The following TRPM5 variants were observed in gnomAD, a reference collection of about 807,000 sequenced individuals.
The protein encoded by TRPM5 is MLSN1 and TRP-related.
A neutral mutation model predicts 124.9 loss-of-function variants in TRPM5; 121 were observed. The observed-to-expected ratio is 0.97, with a 90% CI of 0.84 to 1.13. The LOEUF (loss-of-function observed/expected upper bound fraction) is 1.13, where lower values mean the gene tolerates loss of function less well. Among genes scored for constraint, TRPM5 ranks in the 50% most tolerant of loss-of-function variants. The probability of loss-of-function intolerance (pLI) is 0.00; values close to 1 mark genes in which losing one functional copy is unlikely to be tolerated. For missense variants in TRPM5, 1,643 were observed against 1,589.1 expected, an observed-to-expected ratio of 1.03 and a Z score of -0.58; for synonymous variants, 781 against 700.5, an observed-to-expected ratio of 1.11 and a Z score of -1.81.
rs1845754128 is a variant in TRPM5, at chr11:2,420,385, G to T, written c.486C>A (p.Tyr162Ter). The T allele has an allele frequency of 1.2e-6, 2 of 1,611,214 alleles. No homozygotes were observed. The highest frequency in any genetic ancestry group is 1.7e-6 in the Non-Finnish European group (2 of 1,178,854). The change falls in exon 4 of 24, where the codon TAC (tyrosine) becomes TAA (stop). Residue 162 changes from tyrosine (Y) to a stop codon, truncating the protein, a stop_gained. Transcript: ENST00000155858. LOFTEE classifies it high-confidence loss of function. ...CCTGGCTGCCGCCGTCATCCTCAGG[G>T]TAGTGGACAGGAAAATCCTCCTGCG...
At chr11:2,440,752 G>A in the TRPM5 span, among the ~76,000 whole-genome samples, 2 of 152,232 alleles carry the variant, frequency 1.3e-5, no homozygotes, top group African/African-American at 2.4e-5. This position sits in a 1 kb window ranked among gnomAD's most constrained non-coding sequence, Gnocchi z 5.2. Context: ...CTGGGGGAAT[G>A]AACGAATGAT....
chr11:2,409,463 C>T (rs1379844405), intron 18 of TRPM5, among the ~76,000 whole-genome samples: 5 of 152,212 alleles, frequency 3.3e-5, no homozygotes, highest in Admixed American at 6.5e-5. Flanking sequence ...TCCCTGGGGC[C>T]TGGAGACCCA....
chr11:2,418,236 C>G (rs1357591973), exon 6 of TRPM5: 2 of 1,586,882 alleles, frequency 1.3e-6, no homozygotes, highest in East Asian at 2.3e-5. Context: ...TAAACTGCTT[C>G]TCGGCCACCT....
intron 20 of TRPM5, 41 bp downstream of exon 25, chr11:2,407,078 C>A (rs746750547): frequency 3.0e-6 from 3 of 1,007,636 alleles, no homozygotes; most frequent in Non-Finnish European, 4.0e-6. Flanking sequence ...GACCCGCCAC[C>A]TCGGCCTCAC....
chr11:2,440,010 A>G, the TRPM5 span, among the ~76,000 whole-genome samples: 1 of 152,214 alleles, frequency 6.6e-6, no homozygotes, highest in African/African-American at 2.4e-5. The surrounding 1 kb of genome is among the most constrained non-coding windows in gnomAD (Gnocchi z 5.2). Flanking sequence ...GAAAAAGAAT[A>G]AAACCATGTC....
intron 7 of TRPM5, among the ~76,000 whole-genome samples, chr11:2,416,762 G>T (rs994483479): frequency 1.3e-5 from 2 of 152,212 alleles, no homozygotes; most frequent in Non-Finnish European, 2.9e-5. Flanking sequence ...TGCTGGGGCT[G>T]TGTCTGCCTG....
chr11:2,421,987 G>A (rs1272265207), intron 2 of TRPM5, among the ~76,000 whole-genome samples, 154 bp downstream of exon 7: 3 of 151,594 alleles, frequency 2.0e-5, no homozygotes, highest in East Asian at 3.9e-4. Context: ...TGCCGTGTGG[G>A]GTGGGAGCAT....
chr11:2,418,365 C>A lies in TRPM5; in HGVS notation c.715-7G>T. ...CCACGGCCCTGGAGATCCTCTGAGA[C>A]GGGGAGGGAGGGGAGAGCGGACCCC... On this transcript the variant is annotated splice_region_variant and splice_polypyrimidine_tract_variant and intron_variant, in intron 5 of 23. Transcript: ENST00000155858. 1 of 1,544,764 alleles carries A rather than the reference C, an allele frequency of 6.5e-7. No homozygotes were observed. Among genetic ancestry groups the A allele is most frequent in the Non-Finnish European group, 8.8e-7 (1 of 1,140,646 alleles).
chr11:2,413,452 G>C, intron 13 of TRPM5, 24 bp downstream of exon 18: 1 of 1,585,736 alleles, frequency 6.3e-7, no homozygotes, highest in South Asian at 1.1e-5. Flanking sequence ...TGTCCTGGCC[G>C]GGCAGCTCAC....
In TRPM5 at chr11:2,418,146, AG is replaced by A; in HGVS notation, c.906+20del. On this transcript the variant is annotated intron_variant, in intron 6 of 23. Transcript: ENST00000155858. ...CCCCCGGAGGAGGGGTCGGGAGGACAGGGGAGGGGGCAGCACATACCAGCTT... is the reference window on the plus strand; with the variant it reads ...CCCCCGGAGGAGGGGTCGGGAGGACAGGGAGGGGGCAGCACATACCAGCTT... The A allele has an allele frequency of 6.5e-7, 1 of 1,529,860 alleles. No individual in the cohort carries two copies. The highest frequency in any genetic ancestry group is 8.9e-7 in the Non-Finnish European group (1 of 1,128,288). The allele number at this position is 1,529,860 out of a possible 1,614,324, so 94.8% of individuals were successfully genotyped here.
At chr11:2,441,272 A>T in the TRPM5 span, among the ~76,000 whole-genome samples, 3 of 152,126 alleles carry the variant, frequency 2.0e-5, no homozygotes, top group African/African-American at 2.4e-5. The surrounding 1 kb of genome is among the most constrained non-coding windows in gnomAD (Gnocchi z 7.2). Flanking sequence ...GGGAGGCTAC[A>T]ACCCTGCGGT....
At chr11:2,406,992 C>T in intron 20 of TRPM5, 127 bp downstream of exon 25, 2 of 1,334,812 alleles carry the variant, frequency 1.5e-6, no homozygotes, top group Non-Finnish European at 2.0e-6. Flanking sequence ...TGCACAGAGC[C>T]CAGCTGAGGA....
chr11:2,414,659 C>A, intron 11 of TRPM5, 56 bp downstream of exon 16: 2 of 1,479,380 alleles, frequency 1.4e-6, no homozygotes, highest in Non-Finnish European at 1.8e-6. Flanking sequence ...TTCGTCCGAC[C>A]CCTCCGTCAC....
At chr11:2,414,009 G>GGGGGGGCCCCCCCCCCCCCCCCCCCCC in intron 12 of TRPM5, 52 bp downstream of exon 17, 25 of 1,023,636 alleles carry the variant, frequency 2.4e-5, no homozygotes, top group East Asian at 1.1e-4. Flanking sequence ...GGCCCAGCTC[G>GGGGGGGCCCCCCCCCCCCCCCCCCCCC]CCCGCCCACC....
At chr11:2,421,771 G>A (rs1172696631) in intron 2 of TRPM5, among the ~76,000 whole-genome samples, 1 of 152,178 alleles carries the variant, frequency 6.6e-6, no homozygotes, top group Non-Finnish European at 1.5e-5. Context: ...GGGTGCTCTG[G>A]TCCCAGGTGA....
At chr11:2,418,212 G>A in exon 6 of TRPM5, 1 of 1,584,866 alleles carries the variant, frequency 6.3e-7, no homozygotes, top group Non-Finnish European at 8.6e-7. Context: ...AATGCTTGCT[G>A]GGGAACTTCT....
chr11:2,421,134 G>C, exon 3 of TRPM5: 1 of 1,542,708 alleles, frequency 6.5e-7, no homozygotes, highest in East Asian at 2.5e-5. Context: ...GCGAGTGGTC[G>C]CGCACGGCCT....
rs537304435 is a variant in TRPM5 at position 2,417,994 on chromosome 11, GGGGCT to G, written c.906+168_907-166del. The stretch of plus-strand genomic sequence containing the variant: ...CGGCCTGGGACCACCCGCAGACCAA[GGGGCT>G]GCCTGGGTCTCTCTGCTCCCTGTGG... On this transcript the variant is annotated intron_variant, in intron 6 of 23. Transcript: ENST00000155858. Among the ~76,000 whole-genome samples, 219 of 152,346 alleles carry G rather than the reference GGGGCT, an allele frequency of 1.4e-3. 1 individual carries two copies. The highest frequency in any genetic ancestry group is 2.2e-3 in the Non-Finnish European group (147 of 68,028).
the TRPM5 span, among the ~76,000 whole-genome samples, chr11:2,441,770 G>C: frequency 6.6e-6 from 1 of 151,992 alleles, no homozygotes; most frequent in South Asian, 2.1e-4. The surrounding 1 kb of genome is among the most constrained non-coding windows in gnomAD (Gnocchi z 7.2). Context: ...GCTCACTGCA[G>C]CCTCTGCCTC....
Sources: allele counts gnomAD v4.1 joint callset (sites outside exome capture counted in the v4.1 genomes callset), GRCh38; gene constraint gnomAD v4.1.1; non-coding constraint Gnocchi (gnomAD v3.1); transcripts MANE v1.5; gene names NCBI Gene and HGNC (gene_info 2026-07-23, HGNC 2026-07-21).